FHIT: variants seen among roughly 807,000 people sequenced by gnomAD.
FHIT encodes fragile histidine triad diadenosine triphosphatase.
FHIT carries 19 observed loss-of-function variants against 17.9 expected under a neutral mutation model. That is an observed-to-expected ratio of 1.06 (90% CI 0.74 to 1.56). The LOEUF is 1.56. FHIT is among the 40% of genes most tolerant of loss of function. FHIT has a pLI of 0.00. For missense variants in FHIT, 248 were observed against 189.2 expected (o/e 1.31, Z -1.82); for synonymous variants, 81 against 69.7 (o/e 1.16, Z -0.81).
chr3:60,657,753 A>G (rs941381123), intron 4 of FHIT, among the ~76,000 whole-genome samples: 7 of 152,062 alleles, frequency 4.6e-5, no homozygotes, highest in African/African-American at 1.7e-4. Flanking sequence ...TTCATCTTCA[A>G]TATTGGATTA....
chr3:60,539,911 G>T (rs1319127729), intron 4 of FHIT, among the ~76,000 whole-genome samples: 1 of 151,136 alleles, frequency 6.6e-6, no homozygotes, highest in African/African-American at 2.4e-5. Context: ...TGCATGTTGT[G>T]CACATGTACC....
chr3:60,458,808 C>T (rs1415971497), intron 5 of FHIT, among the ~76,000 whole-genome samples: 2 of 152,102 alleles, frequency 1.3e-5, no homozygotes, highest in Non-Finnish European at 2.9e-5. Flanking sequence ...TGGTCTCACT[C>T]TGTCGCCCAG....
At chr3:60,124,001 T>G (rs867100134) in intron 5 of FHIT, among the ~76,000 whole-genome samples, 4,219 of 26,658 alleles carry the variant, frequency 0.16, 270 homozygotes, top group Non-Finnish European at 0.21. Context: ...TATATATATA[T>G]ATATATATAG....
chr3:60,708,330 G>C (rs2041426335), intron 4 of FHIT, among the ~76,000 whole-genome samples: 1 of 152,116 alleles, frequency 6.6e-6, no homozygotes, highest in African/African-American at 2.4e-5. Context: ...ACCATTACAT[G>C]GAAAGAAGAA....
chr3:60,618,119 T>C (rs540267216), intron 4 of FHIT: 1 of 154,432 alleles, frequency 6.5e-6, no homozygotes, highest in South Asian at 2.0e-4. Flanking sequence ...TCATATAATG[T>C]AGTGGTATCT....
intron 4 of FHIT, among the ~76,000 whole-genome samples, chr3:60,768,920 C>A (rs1699945295): frequency 6.6e-6 from 1 of 152,138 alleles, no homozygotes; most frequent in African/African-American, 2.4e-5. Context: ...TTGTATGGAC[C>A]CCATCTATCA....
At chr3:60,983,666 C>G (rs946533763) in intron 3 of FHIT, among the ~76,000 whole-genome samples, 4 of 152,140 alleles carry the variant, frequency 2.6e-5, no homozygotes, top group African/African-American at 9.7e-5. Flanking sequence ...ACCAGGCAAG[C>G]ATACAGATCT....
chr3:60,656,843 A>G (rs1288790613), intron 4 of FHIT, among the ~76,000 whole-genome samples: 1 of 152,204 alleles, frequency 6.6e-6, no homozygotes, highest in Non-Finnish European at 1.5e-5. Context: ...GATTTTGCAC[A>G]TTGACAAAAA....
At chr3:61,201,263 A>G (rs2039003499) in intron 1 of FHIT, among the ~76,000 whole-genome samples, 1 of 152,196 alleles carries the variant, frequency 6.6e-6, no homozygotes. Context: ...TTTCAAATCA[A>G]ATCTTGTTAA....
intron 8 of FHIT, among the ~76,000 whole-genome samples, chr3:59,755,924 T>C (rs924613344): frequency 4.6e-5 from 7 of 152,210 alleles, no homozygotes; most frequent in African/African-American, 1.4e-4. Flanking sequence ...GGTCTGAGCT[T>C]GAACAATGAG....
chr3:60,213,500 T>C (rs1703552498), intron 5 of FHIT, among the ~76,000 whole-genome samples: 1 of 152,218 alleles, frequency 6.6e-6, no homozygotes, highest in African/African-American at 2.4e-5. Context: ...CACAGGCCAC[T>C]ACACTGGCCA....
chr3:60,813,966 C>T (rs4974242), intron 4 of FHIT, among the ~76,000 whole-genome samples: 17,884 of 151,918 alleles, frequency 0.12, 1,450 homozygotes, highest in African/African-American at 0.22. Flanking sequence ...TATTTTAAAC[C>T]TATCTGTGTT....
chr3:60,294,375 G>GATGGAA (rs1222335831), intron 5 of FHIT, among the ~76,000 whole-genome samples: 1 of 152,122 alleles, frequency 6.6e-6, no homozygotes, highest in Non-Finnish European at 1.5e-5. Flanking sequence ...TCATTTGAAA[G>GATGGAA]CCCTCCAGAG....
intron 5 of FHIT, among the ~76,000 whole-genome samples, chr3:60,473,032 C>A (rs2033169308): frequency 6.6e-6 from 1 of 152,074 alleles, no homozygotes; most frequent in South Asian, 2.1e-4. Context: ...CAATGAAATG[C>A]ATGTCCCAGA....
intron 4 of FHIT, among the ~76,000 whole-genome samples, chr3:60,610,819 T>A (rs1403798601): frequency 6.6e-6 from 1 of 152,236 alleles, no homozygotes; most frequent in African/African-American, 2.4e-5. Context: ...GCTCTCACCC[T>A]ACGCCAGTCT....
At chr3:60,540,629 G>A (rs552785972) in intron 4 of FHIT, among the ~76,000 whole-genome samples, 1 of 152,334 alleles carries the variant, frequency 6.6e-6, no homozygotes, top group East Asian at 1.9e-4. Flanking sequence ...TGTTGCTGGT[G>A]TGAAAGCAGA....
intron 2 of FHIT, among the ~76,000 whole-genome samples, chr3:61,152,053 C>A (rs2037409912): frequency 6.6e-6 from 1 of 152,106 alleles, no homozygotes; most frequent in Non-Finnish European, 1.5e-5. Flanking sequence ...AACCATCATA[C>A]CATTTTTTTA....
Position 60,274,675 on chromosome 3 carries a change from C to T in FHIT, c.104-260523G>A, listed in dbSNP as rs147931282. ...CTTTTTTCAAAAATTTGAGAAAAAA[C>T]AAATCTATTAAAACAGAAGATATAG... On this transcript the variant is annotated intron_variant, in intron 5 of 9. Coordinates refer to ENST00000492590, the MANE Select transcript of FHIT (RefSeq NM_002012.4). 1.9e-3 allele frequency among the ~76,000 whole-genome samples: 292 copies of T among 152,140 alleles called. 2 individuals carry two copies. Among genetic ancestry groups the T allele is most frequent in the Non-Finnish European group, 4.4e-4 (30 of 67,976 alleles).
At chr3:60,502,874 T>C (rs748439347) in intron 5 of FHIT, among the ~76,000 whole-genome samples, 2 of 152,186 alleles carry the variant, frequency 1.3e-5, no homozygotes, top group African/African-American at 4.8e-5. Context: ...GCCTTAGAAA[T>C]TCACTTGGTG....
Sources: allele counts gnomAD v4.1 joint callset (sites outside exome capture counted in the v4.1 genomes callset), GRCh38; gene constraint gnomAD v4.1.1; transcripts MANE v1.5; gene names NCBI Gene and HGNC (gene_info 2026-07-23, HGNC 2026-07-21).